WDHD1: variants seen among roughly 807,000 people sequenced by gnomAD.
WDHD1 encodes WD repeat and HMG-box DNA binding protein 1, also known as WD repeat and HMG-box DNA-binding protein 1.
Under a neutral mutation model 135.4 loss-of-function variants are expected in WDHD1, and 111 were observed. That is an observed-to-expected ratio of 0.82 (90% confidence interval 0.70 to 0.96). The LOEUF (loss-of-function observed/expected upper bound fraction) is 0.96, where lower values mean the gene tolerates loss of function less well. WDHD1 is among the 40% of genes least tolerant of loss of function. The probability of loss-of-function intolerance (pLI) is 0.00; values close to 1 mark genes in which losing one functional copy is unlikely to be tolerated. For synonymous variants in WDHD1, 434 were observed against 439.0 expected (o/e 0.99, Z 0.14); for missense variants, 1,351 against 1,336.3 (o/e 1.01, Z -0.17).
At chr14:55,017,428 C>T (rs555770391) in intron 2 of WDHD1, among the ~76,000 whole-genome samples, 1 of 151,776 alleles carries the variant, frequency 6.6e-6, no homozygotes, top group African/African-American at 2.4e-5. Flanking sequence ...CTGCAACCTC[C>T]ACTTCCCAGG....
chr14:54,968,111 G>A (rs2041375008), intron 16 of WDHD1, among the ~76,000 whole-genome samples: 1 of 152,072 alleles, frequency 6.6e-6, no homozygotes, highest in African/African-American at 2.4e-5. Flanking sequence ...CCACATGCTT[G>A]GCCGTAAAGC....
At chr14:55,010,586 T>C (rs1410380266) in intron 3 of WDHD1, 126 bp from the exon 4 acceptor site, 1 of 829,654 alleles carries the variant, frequency 1.2e-6, no homozygotes, top group Non-Finnish European at 1.7e-6. Context: ...AAGAGAAAAA[T>C]TATCACTAAA....
chr14:55,017,328 T>C (rs1332923146), intron 2 of WDHD1, among the ~76,000 whole-genome samples: 1 of 152,116 alleles, frequency 6.6e-6, no homozygotes, highest in Non-Finnish European at 1.5e-5. Flanking sequence ...TACAGTGCTG[T>C]AGGAAAAATC....
intron 16 of WDHD1, 74 bp from the exon 17 acceptor site, chr14:54,967,468 C>G (rs117021459): frequency 0.033 from 33,482 of 1,004,722 alleles, 668 homozygotes; most frequent in South Asian, 0.044. Flanking sequence ...AAAAAGTTTT[C>G]AAAAGTTAGT....
At chr14:54,998,376 G>A (rs1012132138) in intron 10 of WDHD1, among the ~76,000 whole-genome samples, 2 of 151,830 alleles carry the variant, frequency 1.3e-5, no homozygotes, top group Non-Finnish European at 2.9e-5. Context: ...GTGATCCACC[G>A]GCCTCGGCCT....
intron 24 of WDHD1, among the ~76,000 whole-genome samples, chr14:54,951,764 A>C (rs2041058307): frequency 6.6e-6 from 1 of 152,238 alleles, no homozygotes; most frequent in African/African-American, 2.4e-5. Flanking sequence ...AAATACTGGC[A>C]AACCAAATCC....
At chr14:54,957,742 G>A (rs1488402167) in intron 21 of WDHD1, 107 bp from the exon 22 acceptor site, 2 of 936,226 alleles carry the variant, frequency 2.1e-6, no homozygotes, top group African/African-American at 1.7e-5. Context: ...GAAAACAAAT[G>A]TATTTTGCAA....
At chr14:55,006,222 T>A (rs2042066884) in intron 7 of WDHD1, among the ~76,000 whole-genome samples, 1 of 152,212 alleles carries the variant, frequency 6.6e-6, no homozygotes, top group Non-Finnish European at 1.5e-5. Flanking sequence ...AGAACTGACA[T>A]CTTTATTTAT....
At position 54,957,198 on chromosome 14, in the gene WDHD1, C is replaced by T. The variant is rs778663933; in HGVS notation, c.2752G>A (p.Ala918Thr). Reference protein sequence around the residue: ...QGRVNPFKVSASSKEPAMSMN... With the variant: ...QGRVNPFKVSTSSKEPAMSMN... ...GACATGGCTGGTTCTTTGGAACTGG[C>T]TGATACCTAAAGAGCAAACTAGTGT... Residue 918 changes from alanine (A) to threonine (T), a missense_variant, in exon 23 of 26, where the codon GCC (alanine) becomes ACC (threonine). By Grantham distance (58) the Ala-to-Thr change is moderately conservative. This residue lies in a region of WDHD1 where 1,330 missense variants were observed against 1,296.1 expected (regional missense o/e 1.03). Coordinates refer to ENST00000360586, the MANE Select transcript of WDHD1 (RefSeq NM_007086.4). 6.2e-7 allele frequency: 1 copy of T among 1,613,314 alleles called. No homozygotes were observed. Among genetic ancestry groups the T allele is most frequent in the South Asian group, 1.1e-5 (1 of 90,932 alleles).
chr14:54,955,445 T>C (rs1037729065), intron 24 of WDHD1, 116 bp downstream of exon 24: 10 of 1,089,046 alleles, frequency 9.2e-6, no homozygotes, highest in Non-Finnish European at 1.2e-5. Flanking sequence ...GAATGCCCAC[T>C]ACCAATGCCA....
At chr14:54,990,674 A>G (rs1344978564) in intron 12 of WDHD1, among the ~76,000 whole-genome samples, 1 of 152,176 alleles carries the variant, frequency 6.6e-6, no homozygotes, top group Non-Finnish European at 1.5e-5. Context: ...TATATATTTA[A>G]TGTGCACTGT....
At chr14:54,975,007 C>T (rs1333707288) in intron 16 of WDHD1, among the ~76,000 whole-genome samples, 2 of 152,268 alleles carry the variant, frequency 1.3e-5, no homozygotes, top group Non-Finnish European at 2.9e-5. Flanking sequence ...CTTTACAAGC[C>T]TACCTCTTCC....
Position 54,967,406 on chromosome 14 carries a change from G to C in WDHD1, c.2064-12C>G. The stretch of plus-strand genomic sequence containing the variant: ...TACAAGGAATGCACCTGTTAGTAAA[G>C]AAAAGTTCCATCATAAAAATTTACT... On this transcript the variant is annotated splice_polypyrimidine_tract_variant and intron_variant, in intron 16 of 25. Coordinates refer to ENST00000360586, the MANE Select transcript of WDHD1 (RefSeq NM_007086.4). The C allele has an allele frequency of 6.4e-7, 1 of 1,567,186 alleles. No homozygotes were observed. The highest frequency in any genetic ancestry group is 8.6e-7 in the Non-Finnish European group (1 of 1,160,210).
chr14:54,963,225 T>C lies in WDHD1; in HGVS notation c.2311-53A>G, dbSNP rs1436382602. 4.8e-6 allele frequency: 7 copies of C among 1,448,890 alleles called. No individual in the cohort carries two copies. In the African/African-American group the frequency reaches 9.9e-5, roughly 20 times the overall value. 89.8% of individuals were successfully genotyped at this position (1,448,890 alleles called of 1,614,324 possible). A position where few individuals can be genotyped will look rare whatever the true frequency, so the allele number is the denominator to read the frequency against. On this transcript the variant is annotated intron_variant, in intron 18 of 25. Transcript: ENST00000360586. ...GATCAAATAACATCAAGTAAAACTTTTTAAAGATACTGACACTACTAGTAA... is the reference window on the plus strand; with the variant it reads ...GATCAAATAACATCAAGTAAAACTTCTTAAAGATACTGACACTACTAGTAA...
At chr14:54,988,937 ATT>A (rs2041739511) in intron 13 of WDHD1, 89 bp downstream of exon 13, 4 of 1,193,364 alleles carry the variant, frequency 3.4e-6, no homozygotes, top group Non-Finnish European at 2.3e-6. Context: ...CAAAAAATAA[ATT>A]TTGTTTTATT....
chr14:54,951,535 G>T (rs1443174127), intron 24 of WDHD1, among the ~76,000 whole-genome samples: 1 of 152,138 alleles, frequency 6.6e-6, no homozygotes, highest in African/African-American at 2.4e-5. Flanking sequence ...AAAAGTCCAG[G>T]ACCAGATGGA....
intron 6 of WDHD1, among the ~76,000 whole-genome samples, chr14:55,007,872 T>C (rs2042098395): frequency 6.6e-6 from 1 of 152,178 alleles, no homozygotes; most frequent in South Asian, 2.1e-4. Context: ...ACTTAACTGT[T>C]CCCTCTGCCA....
chr14:54,998,927 T>C (rs1442483045), intron 10 of WDHD1, among the ~76,000 whole-genome samples: 1 of 152,218 alleles, frequency 6.6e-6, no homozygotes, highest in African/African-American at 2.4e-5. Context: ...CTGTTCTAAC[T>C]ATACATAATT....
At chr14:54,952,914 C>T (rs1414185016) in intron 24 of WDHD1, among the ~76,000 whole-genome samples, 4 of 152,152 alleles carry the variant, frequency 2.6e-5, no homozygotes, top group Non-Finnish European at 2.9e-5. Context: ...GGAAAACTGC[C>T]TAGCCATATG....
Sources: gnomAD v4.1 joint callset for allele counts (sites outside exome capture counted in the v4.1 genomes callset) on GRCh38, gnomAD v4.1.1 for gene constraint, gnomAD v4.1.1 regional missense constraint, MANE v1.5 for transcripts, NCBI Gene and HGNC (gene_info 2026-07-23, HGNC 2026-07-21) for gene names.